Variants in FRMD8 observed in about 807,000 individuals in gnomAD.
The protein encoded by FRMD8 is FERM domain containing 8, also known as FERM domain-containing protein 8.
Under a neutral mutation model 54.2 loss-of-function variants are expected in FRMD8, and 37 were observed. The observed-to-expected ratio is 0.68, with a 90% confidence interval of 0.53 to 0.90. The LOEUF (loss-of-function observed/expected upper bound fraction) is 0.90, where lower values mean the gene tolerates loss of function less well. Among genes scored for constraint, FRMD8 ranks in the 40% least tolerant of loss-of-function variants. The pLI is 0.00. For missense variants in FRMD8, 585 were observed against 653.7 expected (o/e 0.89, Z 1.15); for synonymous variants, 246 against 286.9 (o/e 0.86, Z 1.44).
chr11:65,395,092 C>T (rs1855924682), intron 6 of FRMD8, among the ~76,000 whole-genome samples: 1 of 151,976 alleles, frequency 6.6e-6, no homozygotes, highest in African/African-American at 2.4e-5. Context: ...ACTAAAAACA[C>T]AATAAGTAGC....
At chr11:65,379,864 C>T in the FRMD8 span, 1 of 1,614,068 alleles carries the variant, frequency 6.2e-7, no homozygotes, top group East Asian at 2.2e-5. Flanking sequence ...GTGGGCCACT[C>T]ACGGACTCAT....
At chr11:65,394,198 C>G (rs1855897763) in intron 5 of FRMD8, 61 bp from the exon 6 acceptor site, 2 of 1,592,642 alleles carry the variant, frequency 1.3e-6, no homozygotes, top group Admixed American at 3.5e-5. Context: ...CCCAGCCCAA[C>G]TGAGCAGCTC....
chr11:65,398,647 G>A (rs1856005700), intron 7 of FRMD8, among the ~76,000 whole-genome samples: 2 of 152,248 alleles, frequency 1.3e-5, no homozygotes, highest in African/African-American at 4.8e-5. Flanking sequence ...CAACTCTGCT[G>A]TAAAATGGGG....
rs749180162 is a variant in FRMD8 at position 65,394,442 on chromosome 11, C to T, written c.581+17C>T. On this transcript the variant is annotated intron_variant, in intron 6 of 10. Transcript: ENST00000317568. Reference sequence around the variant, plus strand: ...CGACCTGAGGTGAGGGCCTGTGTGACTTGAGGCGGGGGCGCTGGGTGGGGG... The same window carrying T: ...CGACCTGAGGTGAGGGCCTGTGTGATTTGAGGCGGGGGCGCTGGGTGGGGG... The T allele has an allele frequency of 6.4e-7, 1 of 1,559,064 alleles. No individual in the cohort carries two copies. The highest frequency in any genetic ancestry group is 8.7e-7 in the Non-Finnish European group (1 of 1,155,724).
intron 10 of FRMD8, among the ~76,000 whole-genome samples, chr11:65,409,961 C>T (rs1856292307): frequency 6.6e-6 from 1 of 151,850 alleles, no homozygotes; most frequent in Admixed American, 6.6e-5. Context: ...GTAGTCCCAG[C>T]TATTGGGGAT....
chr11:65,407,556 T>C (rs372557086), intron 10 of FRMD8, among the ~76,000 whole-genome samples: 43 of 151,282 alleles, frequency 2.8e-4, no homozygotes, highest in African/African-American at 1.0e-3. Flanking sequence ...CGGCCAGAGA[T>C]CTACATTTTA....
rs1856064608 is a variant in FRMD8 at position 65,400,969 on chromosome 11, G to A, written c.1071+102G>A. On this transcript the variant is annotated intron_variant, in intron 9 of 10. Coordinates refer to ENST00000317568, the MANE Select transcript of FRMD8 (RefSeq NM_031904.5). This position sits in a 1 kb window ranked among gnomAD's most constrained non-coding sequence, Gnocchi z 4.3. ...AGGCTGGCGGGCAAGGAGGTGAGAA[G>A]CTGCCTTGGGCCTGAGGATGAAAGC... 3.0e-6 allele frequency: 4 copies of A among 1,313,878 alleles called. No homozygotes were observed. The Admixed American group carries it at 1.1e-4, about 35-fold the overall frequency. 81.4% of individuals were successfully genotyped at this position (1,313,878 alleles called of 1,614,324 possible).
At chr11:65,381,988 G>A, upstream of FRMD8, 3 of 1,584,534 alleles carry the variant, frequency 1.9e-6, no homozygotes, top group Non-Finnish European at 2.6e-6. Context: ...TCCAGCAGAG[G>A]AGACAGAGTT....
intron 3 of FRMD8, among the ~76,000 whole-genome samples, chr11:65,389,756 T>G (rs115751414): frequency 1.1e-3 from 174 of 151,642 alleles, no homozygotes; most frequent in African/African-American, 4.1e-3. Flanking sequence ...GGTGGAGGAG[T>G]GGACACGCCT....
At chr11:65,393,951 G>A in intron 4 of FRMD8, 90 bp from the exon 5 acceptor site, 4 of 1,365,834 alleles carry the variant, frequency 2.9e-6, no homozygotes, top group South Asian at 1.2e-5. Flanking sequence ...CCTGGTGGGT[G>A]AGGTTGGTGG....
chr11:65,407,191 A>G (rs538721235), intron 10 of FRMD8, among the ~76,000 whole-genome samples: 6 of 151,970 alleles, frequency 3.9e-5, no homozygotes, highest in African/African-American at 1.4e-4. Flanking sequence ...GAATTATTCC[A>G]TGATAAAAAG....
At position 65,404,715 on chromosome 11, in the gene FRMD8, C is replaced by T; in HGVS notation, c.1072-149C>T. 3 of 653,940 alleles carry T rather than the reference C, an allele frequency of 4.6e-6. No homozygotes were observed. The highest frequency in any genetic ancestry group is 8.0e-6 in the Non-Finnish European group (3 of 376,498). The allele number at this position is 653,940 out of a possible 1,614,324, so 40.5% of individuals were successfully genotyped here. A position where few individuals can be genotyped will look rare whatever the true frequency, so the allele number is the denominator to read the frequency against. ...CACCTTCACAGTCACCCAAGTGGGACACCTCCCCTGCCTCCCTGCTCCCTC... is the reference window on the plus strand; with the variant it reads ...CACCTTCACAGTCACCCAAGTGGGATACCTCCCCTGCCTCCCTGCTCCCTC... On this transcript the variant is annotated intron_variant, in intron 9 of 10. Transcript: ENST00000317568. This position sits in a 1 kb window ranked among gnomAD's most constrained non-coding sequence, Gnocchi z 4.7.
Position 65,404,462 on chromosome 11 carries a change from G to A in FRMD8, c.1072-402G>A, listed in dbSNP as rs370972493. Among the ~76,000 whole-genome samples, 57 of 151,784 alleles carry A rather than the reference G, an allele frequency of 3.8e-4. 2 individuals carry two copies. In the South Asian group the frequency reaches 9.4e-3, roughly 25 times the overall value. On this transcript the variant is annotated intron_variant, in intron 9 of 10. Transcript: ENST00000317568. The surrounding 1 kb of genome is among the most constrained non-coding windows in gnomAD (Gnocchi z 4.7). ...CCCGCCCCTGCCCTGGTGACATCGC[G>A]CCCCTTCCTCCTGGCTGCAGGTTTT...
At chr11:65,410,822 A>C (rs116494359) in intron 10 of FRMD8, among the ~76,000 whole-genome samples, 2,023 of 152,276 alleles carry the variant, frequency 0.013, 16 homozygotes, top group Middle Eastern at 0.02. Flanking sequence ...CCCAAAAAAA[A>C]CCAAAAACTA....
rs970887350 is a variant in FRMD8, at chr11:65,400,453, C to G, written c.928-271C>G. On this transcript the variant is annotated intron_variant, in intron 8 of 10. Transcript: ENST00000317568. This position sits in a 1 kb window ranked among gnomAD's most constrained non-coding sequence, Gnocchi z 4.3. ...CCTCATAGAAGAGACTCCGCTTCCC[C>G]ACCTGCCTCCTCCCCCACGTGCCTC... Among the ~76,000 whole-genome samples, 5 of 152,200 alleles carry G rather than the reference C, an allele frequency of 3.3e-5. No individual in the cohort carries two copies. Among genetic ancestry groups the G allele is most frequent in the Non-Finnish European group, 5.9e-5 (4 of 68,028 alleles).
At position 65,400,478 on chromosome 11, in the gene FRMD8, C is replaced by T. The variant is rs543705247; in HGVS notation, c.928-246C>T. 1.3e-5 allele frequency among the ~76,000 whole-genome samples: 2 copies of T among 152,300 alleles called. No homozygotes were observed. The highest frequency in any genetic ancestry group is 4.8e-5 in the African/African-American group (2 of 41,562). On this transcript the variant is annotated intron_variant, in intron 8 of 10. Transcript: ENST00000317568. The surrounding 1 kb of genome is among the most constrained non-coding windows in gnomAD (Gnocchi z 4.3). Reference sequence around the variant, plus strand: ...CACCTGCCTCCTCCCCCACGTGCCTCCCCCGCTGTCAGGGGCTTGGCCTGC... The same window carrying T: ...CACCTGCCTCCTCCCCCACGTGCCTTCCCCGCTGTCAGGGGCTTGGCCTGC...
At chr11:65,398,155 C>T (rs996536713) in intron 7 of FRMD8, among the ~76,000 whole-genome samples, 10 of 152,078 alleles carry the variant, frequency 6.6e-5, no homozygotes, top group African/African-American at 2.2e-4. Flanking sequence ...GGAGCCACCA[C>T]GCCTGGCCTA....
the FRMD8 span, among the ~76,000 whole-genome samples, chr11:65,374,429 A>T: frequency 2.5e-3 from 359 of 142,696 alleles, no homozygotes; most frequent in Non-Finnish European, 4.2e-3. Context: ...CCGCGGTGTG[A>T]CCTAGGACAA....
intron 7 of FRMD8, among the ~76,000 whole-genome samples, chr11:65,398,769 T>A (rs886583125): frequency 6.6e-5 from 10 of 152,198 alleles, no homozygotes; most frequent in Middle Eastern, 3.2e-3. Flanking sequence ...ATCGGAGGGC[T>A]GGCCATCAGC....
Sources: allele counts gnomAD v4.1 joint callset (sites outside exome capture counted in the v4.1 genomes callset), GRCh38; gene constraint gnomAD v4.1.1; non-coding constraint Gnocchi (gnomAD v3.1); transcripts MANE v1.5; gene names NCBI Gene and HGNC (gene_info 2026-07-23, HGNC 2026-07-21).